The following LSS variants were observed in gnomAD, a reference collection of about 807,000 sequenced individuals.
LSS encodes the protein 2,3-epoxysqualene-lanosterol cyclase.
In LSS, 90 loss-of-function variants were observed where a neutral mutation model predicts 110.3. The observed-to-expected ratio is 0.82, with a 90% CI of 0.69 to 0.97. LSS has a LOEUF of 0.97. Among genes scored for constraint, LSS ranks in the 50% least tolerant of loss-of-function variants. The pLI is 0.00. For synonymous variants in LSS, 433 were observed against 400.0 expected, an observed-to-expected ratio of 1.08 and a Z score of -0.98; for missense variants, 927 against 990.0, an observed-to-expected ratio of 0.94 and a Z score of 0.85.
At chr21:46,219,446 A>G in intron 6 of LSS, 30 bp downstream of exon 6, 1 of 1,520,406 alleles carries the variant, frequency 6.6e-7, no homozygotes, top group Non-Finnish European at 8.9e-7. Context: ...AGCAGCAGCG[A>G]CCCAACAACC....
intron 3 of LSS, chr21:46,225,475 T>C (rs867939815): frequency 4.5e-6 from 2 of 446,064 alleles, no homozygotes; most frequent in Admixed American, 4.8e-5. Flanking sequence ...CGGGGGAGTT[T>C]AGAGAAGACT....
chr21:46,208,152 C>A, intron 14 of LSS, 99 bp downstream of exon 14: 1 of 1,150,344 alleles, frequency 8.7e-7, no homozygotes, highest in Non-Finnish European at 1.3e-6. Context: ...AGGGAGGAGT[C>A]CCCCAGGGAG....
At chr21:46,198,829 CAAAAA>C (rs35148484) in intron 17 of LSS, among the ~76,000 whole-genome samples, 3 of 73,470 alleles carry the variant, frequency 4.1e-5, no homozygotes, top group Admixed American at 1.6e-4. Context: ...CATCCACATG[CAAAAA>C]AAAAAAAAAA....
chr21:46,225,340 G>A (rs973443631), intron 3 of LSS: 6 of 448,048 alleles, frequency 1.3e-5, no homozygotes, highest in African/African-American at 4.3e-5. Context: ...TTGGTCTAGC[G>A]GTAACGCCAG....
At chr21:46,213,306 G>A (rs2080157832) in intron 10 of LSS, among the ~76,000 whole-genome samples, 1 of 152,234 alleles carries the variant, frequency 6.6e-6, no homozygotes, top group Non-Finnish European at 1.5e-5. Context: ...CCGACCCCAG[G>A]CTGTGCCAGC....
At chr21:46,214,423 G>A (rs557909551) in intron 9 of LSS, among the ~76,000 whole-genome samples, 1 of 152,316 alleles carries the variant, frequency 6.6e-6, no homozygotes, top group African/African-American at 2.4e-5. Flanking sequence ...CAAGGGACCC[G>A]CTGCAGGGTC....
rs1172732654 is a variant in LSS at position 46,189,628 on chromosome 21, A to T, written c.*1476T>A. On this transcript the variant is annotated 3_prime_UTR_variant, in exon 22 of 22. Coordinates refer to ENST00000397728, the MANE Select transcript of LSS (RefSeq NM_002340.6). ...CAAGGCAGAGGGGTGCCCCTGAAGGACTCTGGGCAGGCAATGACAGGATCT... is the reference window on the plus strand; with the variant it reads ...CAAGGCAGAGGGGTGCCCCTGAAGGTCTCTGGGCAGGCAATGACAGGATCT... 1 of 455,348 alleles carries T rather than the reference A, an allele frequency of 2.2e-6. No homozygotes were observed. Among genetic ancestry groups the T allele is most frequent in the Admixed American group, 2.4e-5 (1 of 42,510 alleles). The allele number at this position is 455,348 out of a possible 1,614,324, so 28.2% of individuals were successfully genotyped here.
chr21:46,197,803 G>A (rs1015544331), intron 17 of LSS, among the ~76,000 whole-genome samples: 4 of 151,802 alleles, frequency 2.6e-5, no homozygotes, highest in Non-Finnish European at 4.4e-5. Flanking sequence ...GCAGGAGAAT[G>A]GCGTGAATCC....
chr21:46,218,947 G>A (rs901860343), intron 6 of LSS, among the ~76,000 whole-genome samples: 8 of 152,006 alleles, frequency 5.3e-5, no homozygotes, highest in African/African-American at 1.9e-4. Flanking sequence ...GGATGGTCTC[G>A]ATCCCTTGAC....
intron 17 of LSS, among the ~76,000 whole-genome samples, chr21:46,199,974 C>G (rs2079959104): frequency 6.6e-6 from 1 of 152,162 alleles, no homozygotes; most frequent in Admixed American, 6.5e-5. Context: ...TGCAAACGCA[C>G]CACTTGAATG....
chr21:46,197,851 TGGA>T (rs2079928941), intron 17 of LSS, among the ~76,000 whole-genome samples: 2 of 150,826 alleles, frequency 1.3e-5, no homozygotes, highest in African/African-American at 4.9e-5. Context: ...ATTGTGCCAC[TGGA>T]CTCCAGCCTG....
intron 9 of LSS, among the ~76,000 whole-genome samples, 162 bp from the exon 10 acceptor site, chr21:46,213,997 G>A (rs1013923225): frequency 1.3e-5 from 2 of 152,268 alleles, no homozygotes; most frequent in East Asian, 1.9e-4. Context: ...TTTCCTGAGC[G>A]AGGATGGGCA....
In LSS at chr21:46,188,786, G is replaced by A. The variant is rs1458756380; in HGVS notation, c.*2318C>T. 5 of 471,248 alleles carry A rather than the reference G, an allele frequency of 1.1e-5. No individual in the cohort carries two copies. The highest frequency in any genetic ancestry group is 3.1e-5 in the South Asian group (2 of 64,558). The allele number at this position is 471,248 out of a possible 1,614,324, so 29.2% of individuals were successfully genotyped here. ...CTGCCTGTGTAATAACACCGAAGAG[G>A]GCAGGGAATCGCTGCGTCCTGTGAC... On this transcript the variant is annotated 3_prime_UTR_variant, in exon 22 of 22. Transcript: ENST00000397728.
At chr21:46,208,179 G>A in intron 14 of LSS, 72 bp downstream of exon 14, 1 of 1,441,492 alleles carries the variant, frequency 6.9e-7, no homozygotes, top group Non-Finnish European at 9.5e-7. Flanking sequence ...CCCCTTCAGA[G>A]GGAAGGACCC....
rs376019463 is a variant in LSS, at chr21:46,227,536, G to A, written c.319+16C>T. ...CAGGGTGGCCATACCATCAGGCTGG[G>A]GCAGCATACTCCTACCTGGCAGGAG... On this transcript the variant is annotated intron_variant, in intron 3 of 21. Coordinates refer to ENST00000397728, the MANE Select transcript of LSS (RefSeq NM_002340.6). 10 of 1,613,616 alleles carry A rather than the reference G, an allele frequency of 6.2e-6. No individual in the cohort carries two copies. Among genetic ancestry groups the A allele is most frequent in the Admixed American group, 5.0e-5 (3 of 59,978 alleles).
At chr21:46,218,073 C>T (rs1034491670) in intron 6 of LSS, among the ~76,000 whole-genome samples, 19 of 151,878 alleles carry the variant, frequency 1.3e-4, no homozygotes, top group African/African-American at 4.1e-4. Flanking sequence ...GGCCCCTTCA[C>T]TTCCTGCCTC....
intron 20 of LSS, chr21:46,193,060 ATGTC>A (rs1385969284): frequency 4.6e-6 from 2 of 432,344 alleles, no homozygotes; most frequent in Admixed American, 2.6e-5. Context: ...CCATGTACGT[ATGTC>A]TGTGTGTGGC....
intron 17 of LSS, among the ~76,000 whole-genome samples, chr21:46,199,392 C>A (rs1286235159): frequency 6.6e-6 from 1 of 152,196 alleles, no homozygotes; most frequent in Admixed American, 6.5e-5. Context: ...TGTGGAGCAA[C>A]AAAACGCTCA....
chr21:46,216,596 T>G lies in LSS; in HGVS notation c.648-72A>C. 1.4e-6 allele frequency: 2 copies of G among 1,459,564 alleles called. No homozygotes were observed. Among genetic ancestry groups the G allele is most frequent in the Non-Finnish European group, 1.8e-6 (2 of 1,101,354 alleles). The allele number at this position is 1,459,564 out of a possible 1,614,324, so 90.4% of individuals were successfully genotyped here. Reference sequence around the variant, plus strand: ...GCCCCCTCCGCCAGCATCCATACCTTGGGCCCTTTCAAGCACGAACACTGG... The same window carrying G: ...GCCCCCTCCGCCAGCATCCATACCTGGGGCCCTTTCAAGCACGAACACTGG... On this transcript the variant is annotated intron_variant, in intron 6 of 21. Transcript: ENST00000397728. This position sits in a 1 kb window ranked among gnomAD's most constrained non-coding sequence, Gnocchi z 4.2.
Sources: allele counts gnomAD v4.1 joint callset (sites outside exome capture counted in the v4.1 genomes callset), GRCh38; gene constraint gnomAD v4.1.1; non-coding constraint Gnocchi (gnomAD v3.1); transcripts MANE v1.5; gene names NCBI Gene and HGNC (gene_info 2026-07-23, HGNC 2026-07-21).